The following ERBB4 variants were observed in gnomAD, a reference collection of about 807,000 sequenced individuals.
ERBB4 encodes the protein erb-b2 receptor tyrosine kinase 4, also known as receptor tyrosine-protein kinase erbB-4.
In ERBB4, 42 loss-of-function variants were observed where a neutral mutation model predicts 158.0. That is an observed-to-expected ratio of 0.27 (90% confidence interval 0.21 to 0.34). ERBB4 has a LOEUF of 0.34. ERBB4 is among the 10% of genes least tolerant of loss of function. The pLI is 1.00. For missense variants in ERBB4, 1,333 were observed against 1,624.1 expected, an observed-to-expected ratio of 0.82 and a Z score of 3.08; for synonymous variants, 583 against 558.7, an observed-to-expected ratio of 1.04 and a Z score of -0.61.
At chr2:212,308,238 T>C (rs2086887699) in intron 1 of ERBB4, among the ~76,000 whole-genome samples, 3 of 151,212 alleles carry the variant, frequency 2.0e-5, no homozygotes, top group South Asian at 4.1e-4. Context: ...ATGGACCTCA[T>C]TTTTCTGAAT....
rs2075683638 is a variant in ERBB4, at chr2:211,771,230, A to G, written c.556+16795T>C. ...GAAACCTTAATCTAGTTACCTGTGG[A>G]CATGACGAACCTTGGCCTTTCGTGC... is the stretch of plus-strand genomic sequence containing the variant. On this transcript the variant is annotated intron_variant, in intron 4 of 27. Transcript: ENST00000342788. Among the ~76,000 whole-genome samples, 3 of 152,248 alleles carry G rather than the reference A, an allele frequency of 2.0e-5. No homozygotes were observed. In the South Asian group the frequency reaches 6.2e-4, roughly 32 times the overall value.
chr2:211,992,570 A>G lies in ERBB4; in HGVS notation c.235-44954T>C, dbSNP rs111845113. ...GAGAGAGAGAGAGAGAGAGAGAGAA[A>G]AAAAAAAAAAACATGAGTTTGTCAG... On this transcript the variant is annotated intron_variant, in intron 2 of 27. Transcript: ENST00000342788. Among the ~76,000 whole-genome samples, 1,184 of 143,980 alleles carry G rather than the reference A, an allele frequency of 8.2e-3. 9 individuals are homozygous for G. Among genetic ancestry groups the G allele is most frequent in the African/African-American group, 0.023 (876 of 37,282 alleles). 94.5% of individuals were successfully genotyped at this position (143,980 alleles called of 152,430 possible).
chr2:212,068,057 G>T (rs2077996901), intron 2 of ERBB4, among the ~76,000 whole-genome samples: 1 of 152,018 alleles, frequency 6.6e-6, no homozygotes, highest in Non-Finnish European at 1.5e-5. Flanking sequence ...AATTGGTTCA[G>T]TTCATGGGGA....
intron 1 of ERBB4, among the ~76,000 whole-genome samples, chr2:212,252,757 AAGAG>A (rs2084585480): frequency 1.3e-5 from 2 of 152,208 alleles, no homozygotes; most frequent in Admixed American, 6.6e-5. Context: ...CTATAATAAA[AAGAG>A]AGAAGATAGC....
At chr2:211,533,127 C>G (rs2066546966) in intron 20 of ERBB4, among the ~76,000 whole-genome samples, 1 of 151,702 alleles carries the variant, frequency 6.6e-6, no homozygotes, top group South Asian at 2.1e-4. Flanking sequence ...ACATGATTCT[C>G]AGGTCTTGCA....
rs867268661 is a variant in ERBB4, at chr2:212,373,950, T to C, written c.82+164499A>G. On this transcript the variant is annotated intron_variant, in intron 1 of 27. Coordinates refer to ENST00000342788, the MANE Select transcript of ERBB4 (RefSeq NM_005235.3). ...ATATCCATATATATCCATATATATATCATATATATATCCATATATATCCAT... is the reference window on the plus strand; with the variant it reads ...ATATCCATATATATCCATATATATACCATATATATATCCATATATATCCAT... Among the ~76,000 whole-genome samples, 543 of 64,566 alleles carry C rather than the reference T, an allele frequency of 8.4e-3. 103 individuals carry two copies. The highest frequency in any genetic ancestry group is 0.034 in the African/African-American group (488 of 14,404). 42.4% of individuals were successfully genotyped at this position (64,566 alleles called of 152,430 possible). A position where few individuals can be genotyped will look rare whatever the true frequency, so the allele number is the denominator to read the frequency against.
At chr2:212,327,501 G>A (rs755761494) in intron 1 of ERBB4, among the ~76,000 whole-genome samples, 17 of 151,770 alleles carry the variant, frequency 1.1e-4, no homozygotes, top group Non-Finnish European at 1.9e-4. Context: ...CTCAGTTAGT[G>A]CTCAAGGCAG....
intron 1 of ERBB4, among the ~76,000 whole-genome samples, chr2:212,481,933 A>G (rs1180965282): frequency 6.6e-6 from 1 of 152,208 alleles, no homozygotes; most frequent in African/African-American, 2.4e-5. Flanking sequence ...ATTGCTTTTA[A>G]GTCTTCTCTA....
intron 2 of ERBB4, among the ~76,000 whole-genome samples, chr2:212,022,036 G>C (rs1288591311): frequency 1.3e-5 from 2 of 152,138 alleles, no homozygotes; most frequent in Non-Finnish European, 2.9e-5. Flanking sequence ...ATGCTGGCAA[G>C]GTTTCAGAGA....
chr2:211,867,696 G>GA (rs1448743634), intron 3 of ERBB4, among the ~76,000 whole-genome samples: 1 of 152,144 alleles, frequency 6.6e-6, no homozygotes, highest in Non-Finnish European at 1.5e-5. Flanking sequence ...CTGAGTAGCT[G>GA]AGACTATAGG....
intron 1 of ERBB4, among the ~76,000 whole-genome samples, chr2:212,351,613 GT>G (rs1442394750): frequency 2.0e-5 from 3 of 152,034 alleles, no homozygotes; most frequent in Non-Finnish European, 4.4e-5. Flanking sequence ...GTAAATTCAG[GT>G]TAATTAAAAT....
chr2:212,439,515 C>A (rs2092209017), intron 1 of ERBB4, among the ~76,000 whole-genome samples: 2 of 152,120 alleles, frequency 1.3e-5, no homozygotes, highest in South Asian at 4.1e-4. Flanking sequence ...AAAATCTACA[C>A]ATTCAGGTTA....
intron 1 of ERBB4, among the ~76,000 whole-genome samples, chr2:212,154,606 G>C (rs193301613): frequency 8.5e-5 from 13 of 152,226 alleles, no homozygotes; most frequent in African/African-American, 2.2e-4. Context: ...AACCGTCCTT[G>C]ATATGCCGCC....
intron 1 of ERBB4, among the ~76,000 whole-genome samples, chr2:212,390,222 GTTAA>G (rs148422582): frequency 0.015 from 2,269 of 151,936 alleles, 45 homozygotes; most frequent in African/African-American, 0.052. Context: ...AATTTTCACT[GTTAA>G]TTGAGTTTAT....
chr2:212,414,429 T>C (rs961971494), intron 1 of ERBB4, among the ~76,000 whole-genome samples: 1 of 152,202 alleles, frequency 6.6e-6, no homozygotes, highest in Non-Finnish European at 1.5e-5. Context: ...GTACCAGAAG[T>C]TCATCTACAA....
chr2:211,824,087 T>C (rs574035803), intron 3 of ERBB4, among the ~76,000 whole-genome samples: 5 of 152,132 alleles, frequency 3.3e-5, no homozygotes, highest in African/African-American at 1.2e-4. Flanking sequence ...CTTTTCCTTA[T>C]GGCAAGTGCT....
At chr2:212,455,034 T>A (rs926407493) in intron 1 of ERBB4, among the ~76,000 whole-genome samples, 1 of 152,178 alleles carries the variant, frequency 6.6e-6, no homozygotes, top group Admixed American at 6.5e-5. Flanking sequence ...ATGACGAATT[T>A]GATCCAAATC....
chr2:211,492,075 A>AAT (rs1008408228), intron 20 of ERBB4, among the ~76,000 whole-genome samples: 3 of 151,928 alleles, frequency 2.0e-5, no homozygotes, highest in East Asian at 3.9e-4. Context: ...CTTAAGAAAA[A>AAT]AAAAAAGAAT....
intron 1 of ERBB4, among the ~76,000 whole-genome samples, chr2:212,485,911 C>T (rs1008387924): frequency 6.6e-6 from 1 of 152,022 alleles, no homozygotes; most frequent in African/African-American, 2.4e-5. Context: ...ATGCTCATGA[C>T]CAAACCACCT....
Sources: allele counts gnomAD v4.1 joint callset (sites outside exome capture counted in the v4.1 genomes callset), GRCh38; gene constraint gnomAD v4.1.1; transcripts MANE v1.5; gene names NCBI Gene and HGNC (gene_info 2026-07-23, HGNC 2026-07-21).